TMEM232: variants seen among roughly 807,000 people sequenced by gnomAD.
TMEM232 encodes transmembrane protein 232.
A neutral mutation model predicts 78.8 loss-of-function variants in TMEM232; 80 were observed. That is an observed-to-expected ratio of 1.01 (90% CI 0.85 to 1.22). The LOEUF (loss-of-function observed/expected upper bound fraction) is 1.22. Ranked by LOEUF, TMEM232 falls within the 50% of genes most tolerant of loss-of-function variation. TMEM232 has a pLI of 0.00. For missense variants in TMEM232, 881 were observed against 742.2 expected, an observed-to-expected ratio of 1.19 and a Z score of -2.17; for synonymous variants, 297 against 254.3, an observed-to-expected ratio of 1.17 and a Z score of -1.60.
chr5:110,656,983 C>A (rs1278300359), intron 2 of TMEM232, among the ~76,000 whole-genome samples: 1 of 152,050 alleles, frequency 6.6e-6, no homozygotes, highest in Non-Finnish European at 1.5e-5. Context: ...TGTTTCAATG[C>A]ATGTGTTCAT....
intron 2 of TMEM232, among the ~76,000 whole-genome samples, chr5:110,404,368 G>GAAA (rs906478656): frequency 6.6e-6 from 1 of 151,874 alleles, no homozygotes; most frequent in Non-Finnish European, 1.5e-5. Flanking sequence ...AGGTGGCAAG[G>GAAA]AAAAAGTAAA....
At chr5:110,468,009 G>C (rs1457964287) in intron 12 of TMEM232, among the ~76,000 whole-genome samples, 5 of 151,722 alleles carry the variant, frequency 3.3e-5, no homozygotes, top group African/African-American at 1.2e-4. Flanking sequence ...CTTTTTATAA[G>C]GACACCAGTC....
intron 10 of TMEM232, among the ~76,000 whole-genome samples, chr5:110,582,588 G>A (rs766621689): frequency 5.9e-5 from 9 of 151,800 alleles, no homozygotes; most frequent in Non-Finnish European, 1.3e-4. Flanking sequence ...CTCACTACCT[G>A]TACCAGGAAC....
chr5:110,454,457 T>C (rs2149342183), intron 12 of TMEM232, among the ~76,000 whole-genome samples: 1 of 152,004 alleles, frequency 6.6e-6, no homozygotes, highest in African/African-American at 2.4e-5. Flanking sequence ...GAATAGCCAC[T>C]GCACTCCAGC....
chr5:110,621,794 C>T (rs1434293416), intron 7 of TMEM232, among the ~76,000 whole-genome samples: 1 of 151,972 alleles, frequency 6.6e-6, no homozygotes, highest in Non-Finnish European at 1.5e-5. Context: ...CTTTCGTCTC[C>T]CTCCCTTGCT....
intron 3 of TMEM232, among the ~76,000 whole-genome samples, chr5:110,641,455 T>C (rs1034588076): frequency 3.3e-5 from 5 of 152,272 alleles, no homozygotes; most frequent in Admixed American, 3.3e-4. Context: ...ACTTCCCTTA[T>C]TGTGCCCACT....
intron 12 of TMEM232, among the ~76,000 whole-genome samples, chr5:110,489,619 G>A (rs760070615): frequency 6.6e-6 from 1 of 152,052 alleles, no homozygotes; most frequent in Non-Finnish European, 1.5e-5. Flanking sequence ...ATCTATTCTT[G>A]CTACTTCTAT....
At chr5:110,580,213 C>G (rs1039230529) in intron 10 of TMEM232, among the ~76,000 whole-genome samples, 4 of 151,676 alleles carry the variant, frequency 2.6e-5, no homozygotes, top group Admixed American at 6.6e-5. Flanking sequence ...GCATATATGA[C>G]AGTTGTCCCA....
At chr5:110,476,408 A>G (rs1763258812) in intron 12 of TMEM232, among the ~76,000 whole-genome samples, 1 of 152,004 alleles carries the variant, frequency 6.6e-6, no homozygotes, top group African/African-American at 2.4e-5. Context: ...AAAGGACTCC[A>G]GAGGAAAACA....
chr5:110,443,986 C>A (rs986563727), intron 12 of TMEM232, among the ~76,000 whole-genome samples: 2 of 152,112 alleles, frequency 1.3e-5, no homozygotes, highest in Admixed American at 6.6e-5. Context: ...TTACTTATTG[C>A]TCTCTTCTTC....
At chr5:110,461,460 T>TATCA (rs1761520456) in intron 12 of TMEM232, among the ~76,000 whole-genome samples, 1 of 152,146 alleles carries the variant, frequency 6.6e-6, no homozygotes, top group Admixed American at 6.5e-5. Flanking sequence ...GTTGTTCCTA[T>TATCA]ATCATAACAG....
At chr5:110,456,938 G>C (rs966861387) in intron 12 of TMEM232, among the ~76,000 whole-genome samples, 1 of 151,964 alleles carries the variant, frequency 6.6e-6, no homozygotes, top group African/African-American at 2.4e-5. Flanking sequence ...CAAGGAAATG[G>C]AATAAAATTC....
At chr5:110,662,260 G>A (rs571455156) in intron 2 of TMEM232, among the ~76,000 whole-genome samples, 70 of 152,004 alleles carry the variant, frequency 4.6e-4, no homozygotes, top group African/African-American at 1.6e-3. Context: ...TAAATACATA[G>A]AAATAAATCT....
chr5:110,447,995 T>TA (rs1491578712), intron 12 of TMEM232, among the ~76,000 whole-genome samples: 4 of 151,974 alleles, frequency 2.6e-5, no homozygotes, highest in Admixed American at 6.6e-5. Flanking sequence ...ACAGAAAACT[T>TA]ATAGAGCTGA....
intron 11 of TMEM232, among the ~76,000 whole-genome samples, chr5:110,532,715 C>A (rs146532233): frequency 0.018 from 2,719 of 152,064 alleles, 75 homozygotes; most frequent in African/African-American, 0.063. Context: ...CCTCTTGTAT[C>A]CCCCCACCTT....
intron 10 of TMEM232, among the ~76,000 whole-genome samples, chr5:110,579,288 AG>A (rs1400392501): frequency 6.6e-6 from 1 of 151,568 alleles, no homozygotes; most frequent in Non-Finnish European, 1.5e-5. Context: ...ATACTTTCTC[AG>A]ACAAACAAAA....
At chr5:110,414,184 A>AT (rs1484154700) in intron 2 of TMEM232, among the ~76,000 whole-genome samples, 1 of 151,996 alleles carries the variant, frequency 6.6e-6, no homozygotes, top group African/African-American at 2.4e-5. Context: ...TCCTGCTGTT[A>AT]TTTTTGTTCT....
chr5:110,597,620 A>G (rs1427031000), intron 10 of TMEM232, among the ~76,000 whole-genome samples: 3 of 151,756 alleles, frequency 2.0e-5, no homozygotes, highest in Non-Finnish European at 4.4e-5. Flanking sequence ...ACTATACTAC[A>G]AGGCTACAGT....
At position 110,428,482 on chromosome 5, in the gene TMEM232, T is replaced by C. The variant is rs765587513; in HGVS notation, c.1704-3566A>G. ...CTTTGAAAGATATCCTCAAGGAAGA[T>C]AGCCACCATCTGCCCAGTCTCTGTG... On this transcript the variant is annotated intron_variant, in intron 12 of 13. Transcript: ENST00000455884. Among the ~76,000 whole-genome samples, 29 of 151,770 alleles carry C rather than the reference T, an allele frequency of 1.9e-4. 1 individual carries two copies. The highest frequency in any genetic ancestry group is 1.3e-4 in the Non-Finnish European group (9 of 67,796).
Sources: gnomAD v4.1 joint callset for allele counts (sites outside exome capture counted in the v4.1 genomes callset) on GRCh38, gnomAD v4.1.1 for gene constraint, MANE v1.5 for transcripts, NCBI Gene and HGNC (gene_info 2026-07-23, HGNC 2026-07-21) for gene names.